Variants in KATNAL1 observed in about 807,000 individuals in gnomAD.
KATNAL1 encodes katanin p60 ATPase-containing subunit A-like 1.
KATNAL1 carries 32 observed loss-of-function variants against 55.2 expected under a neutral mutation model. That is an observed-to-expected ratio of 0.58 (90% CI 0.44 to 0.78). KATNAL1 has a LOEUF of 0.78. Among genes scored for constraint, KATNAL1 ranks in the 30% least tolerant of loss-of-function variants. The pLI, the probability that KATNAL1 is intolerant of heterozygous loss-of-function variation, is 0.00. For missense variants in KATNAL1, 466 were observed against 600.9 expected, an observed-to-expected ratio of 0.78 and a Z score of 2.35; for synonymous variants, 193 against 193.6, an observed-to-expected ratio of 1.00 and a Z score of 0.02.
At chr13:30,293,608 AACCACCACT>A (rs1437038764) in intron 1 of KATNAL1, among the ~76,000 whole-genome samples, 1 of 152,196 alleles carries the variant, frequency 6.6e-6, no homozygotes, top group Non-Finnish European at 1.5e-5. Context: ...TAAACTGCAT[AACCACCACT>A]ACCACCACAA....
intron 4 of KATNAL1, among the ~76,000 whole-genome samples, chr13:30,254,872 C>T (rs1295600162): frequency 1.5e-4 from 23 of 152,106 alleles, no homozygotes; most frequent in Admixed American, 1.2e-3. Flanking sequence ...ACCCACTGTC[C>T]TAAGTCCATT....
chr13:30,296,857 C>G (rs887744495), intron 1 of KATNAL1: 1 of 364,680 alleles, frequency 2.7e-6, no homozygotes, highest in African/African-American at 2.1e-5. Context: ...CTCCAAACAC[C>G]ACAGTCTGGG....
chr13:30,299,970 C>T (rs1461011472), intron 1 of KATNAL1, among the ~76,000 whole-genome samples: 2 of 147,630 alleles, frequency 1.4e-5, no homozygotes, highest in Non-Finnish European at 3.0e-5. Context: ...TTAAATCTAC[C>T]ATCACCCACA....
At chr13:30,257,762 A>C (rs1878916179) in intron 3 of KATNAL1, among the ~76,000 whole-genome samples, 1 of 151,280 alleles carries the variant, frequency 6.6e-6, no homozygotes, top group African/African-American at 2.4e-5. Flanking sequence ...TGGGCTCCTA[A>C]ATAGTCTGAG....
At chr13:30,290,311 T>TAAGAGACCAGGAAAGAGA (rs1882051893) in intron 1 of KATNAL1, among the ~76,000 whole-genome samples, 7 of 151,714 alleles carry the variant, frequency 4.6e-5, no homozygotes, top group African/African-American at 1.5e-4. Flanking sequence ...CTAGTAGGAT[T>TAAGAGACCAGGAAAGAGA]GACCAGGAAA....
rs1468243242 is a variant in KATNAL1 at position 30,218,226 on chromosome 13, AT to A, written c.1148-7785del. Among the ~76,000 whole-genome samples the A allele has an allele frequency of 2.9e-3, 422 of 144,444 alleles. 5 individuals carry two copies. Among genetic ancestry groups the A allele is most frequent in the African/African-American group, 0.01 (400 of 39,270 alleles). 94.8% of individuals were successfully genotyped at this position (144,444 alleles called of 152,430 possible). A position where few individuals can be genotyped will look rare whatever the true frequency, so the allele number is the denominator to read the frequency against. On this transcript the variant is annotated intron_variant, in intron 9 of 10. Transcript: ENST00000380615. Reference sequence around the variant, plus strand: ...AAGGAATATATATATATATATATATATAAAGGACCTGACCCTGATGTAATAG... The same window carrying A: ...AAGGAATATATATATATATATATATAAAAGGACCTGACCCTGATGTAATAG...
intron 2 of KATNAL1, among the ~76,000 whole-genome samples, chr13:30,283,377 T>C (rs1881546995): frequency 6.6e-6 from 1 of 151,058 alleles, no homozygotes; most frequent in Admixed American, 6.6e-5. Flanking sequence ...AAAGTTAAAG[T>C]AGATTCAATT....
chr13:30,231,204 T>A, intron 7 of KATNAL1, 110 bp downstream of exon 7: 4 of 765,938 alleles, frequency 5.2e-6, no homozygotes. Flanking sequence ...ACTATTAAAA[T>A]AGAACTACAC....
chr13:30,211,544 T>C (rs1278682685), intron 9 of KATNAL1, among the ~76,000 whole-genome samples: 1 of 152,254 alleles, frequency 6.6e-6, no homozygotes, highest in African/African-American at 2.4e-5. Flanking sequence ...TGCAGTCAGT[T>C]ACTATGTCTC....
chr13:30,235,002 G>T (rs1346787675), intron 6 of KATNAL1, among the ~76,000 whole-genome samples: 3 of 152,180 alleles, frequency 2.0e-5, no homozygotes, highest in Admixed American at 1.3e-4. Context: ...AACCAACCAT[G>T]TGATTAGAGA....
intron 3 of KATNAL1, among the ~76,000 whole-genome samples, chr13:30,261,609 A>C (rs1879291806): frequency 6.6e-6 from 1 of 152,186 alleles, no homozygotes; most frequent in South Asian, 2.1e-4. Context: ...AAAGATCAAA[A>C]GAGACAAAGA....
rs1438731733 is a variant in KATNAL1, at chr13:30,283,276, AAAAAAAAAAAAAAAAG to A, written c.162+324_162+339del. ...AACAAGACTCTGTCTCAAAAAAAAA[AAAAAAAAAAAAAAAAG>A]GAATGAATGAATGAAATACTTTATT... On this transcript the variant is annotated intron_variant, in intron 2 of 10. Transcript: ENST00000380615. Among the ~76,000 whole-genome samples the A allele has an allele frequency of 6.3e-4, 94 of 150,078 alleles. 1 individual carries two copies. The East Asian group carries it at 0.015, about 24-fold the overall frequency.
intron 9 of KATNAL1, among the ~76,000 whole-genome samples, chr13:30,223,069 T>C (rs1206503267): frequency 7.3e-6 from 1 of 137,146 alleles, no homozygotes; most frequent in African/African-American, 2.7e-5. Flanking sequence ...CACTCCCGCC[T>C]GGGCAACAGA....
intron 9 of KATNAL1, among the ~76,000 whole-genome samples, chr13:30,222,611 AAT>A (rs1874992126): frequency 6.6e-6 from 1 of 152,172 alleles, no homozygotes. Context: ...TGCTAAAATA[AAT>A]ATAGTCAGGT....
intron 3 of KATNAL1, among the ~76,000 whole-genome samples, chr13:30,274,871 C>T (rs1049247733): frequency 6.3e-5 from 9 of 143,734 alleles, no homozygotes; most frequent in East Asian, 2.3e-4. Context: ...ATGTTGGGGG[C>T]GGGGTGTGTG....
In KATNAL1 at chr13:30,251,007, G is replaced by A. The variant is rs531747063; in HGVS notation, c.492+4440C>T. 3.5e-3 allele frequency among the ~76,000 whole-genome samples: 538 copies of A among 151,880 alleles called. 2 individuals carry two copies. The highest frequency in any genetic ancestry group is 5.6e-3 in the Non-Finnish European group (377 of 67,914). On this transcript the variant is annotated intron_variant, in intron 4 of 10. Transcript: ENST00000380615. ...CAAAAAAATAGCTGGGCGTGGTGGC[G>A]GCCGCCTGTAGTCCCAGCTACTCGG...
chr13:30,274,900 C>CGCGTGCGCGCGCGCGCGCGT (rs1337433595), intron 3 of KATNAL1, among the ~76,000 whole-genome samples: 1 of 105,902 alleles, frequency 9.4e-6, no homozygotes, highest in African/African-American at 4.1e-5. Context: ...TACGCGCGCG[C>CGCGTGCGCGCGCGCGCGCGT]GCGCGCGCAC....
rs552283762 is a variant in KATNAL1, at chr13:30,207,456, T to C, written c.*1084A>G. The C allele has an allele frequency of 2.0e-5, 3 of 152,372 alleles. No individual in the cohort carries two copies. Among genetic ancestry groups the C allele is most frequent in the East Asian group, 3.9e-4 (2 of 5,194 alleles). The allele number at this position is 152,372 out of a possible 1,614,324, so 9.4% of individuals were successfully genotyped here. The stretch of plus-strand genomic sequence containing the variant: ...CTAGCTGTTTGGAAAACAATAAAGA[T>C]TTCATTTGTTTTGCGTTAGCCACAG... On this transcript the variant is annotated 3_prime_UTR_variant, in exon 11 of 11. Coordinates refer to ENST00000380615, the MANE Select transcript of KATNAL1 (RefSeq NM_032116.5).
At chr13:30,263,610 G>C (rs934001636) in intron 3 of KATNAL1, among the ~76,000 whole-genome samples, 3 of 152,072 alleles carry the variant, frequency 2.0e-5, no homozygotes, top group Non-Finnish European at 4.4e-5. Context: ...AATCATGAGT[G>C]AACTCCCATT....
Sources: allele counts gnomAD v4.1 joint callset (sites outside exome capture counted in the v4.1 genomes callset), GRCh38; gene constraint gnomAD v4.1.1; transcripts MANE v1.5; gene names NCBI Gene and HGNC (gene_info 2026-07-23, HGNC 2026-07-21).